SRGN: variants seen among roughly 807,000 people sequenced by gnomAD.
SRGN encodes the protein serglycin, also known as hematopoetic proteoglycan core peptide.
Under a neutral mutation model 9.5 loss-of-function variants are expected in SRGN, and 2 were observed. That is an observed-to-expected ratio of 0.21 (90% CI 0.09 to 0.66). The LOEUF (loss-of-function observed/expected upper bound fraction) is 0.66, where lower values mean the gene tolerates loss of function less well. SRGN is among the 30% of genes least tolerant of loss of function. The probability of loss-of-function intolerance (pLI) is 0.83; values close to 1 mark genes in which losing one functional copy is unlikely to be tolerated. For missense variants in SRGN, 170 were observed against 192.4 expected, an observed-to-expected ratio of 0.88 and a Z score of 0.69; for synonymous variants, 59 against 72.3, an observed-to-expected ratio of 0.82 and a Z score of 0.93.
At chr10:69,096,994 GAA>G in intron 1 of SRGN, 88 bp from the exon 2 acceptor site, 1 of 1,343,878 alleles carries the variant, frequency 7.4e-7, no homozygotes, top group Non-Finnish European at 1.0e-6. Context: ...ACCCTGTCTC[GAA>G]AAAAAAATAA....
Position 69,097,099 on chromosome 10 carries a change from G to A in SRGN, c.95G>A (p.Arg32Lys), listed in dbSNP as rs1840189960. 19 of 1,613,838 alleles carry A rather than the reference G, an allele frequency of 1.2e-5. No homozygotes were observed. Among genetic ancestry groups the A allele is most frequent in the East Asian group, 6.7e-5 (3 of 44,892 alleles). Residue 32 changes from arginine to lysine, a missense_variant, in exon 2 of 3, where the codon AGA becomes AAA. Transcript: ENST00000242465. ...CCTCGGGCAGGTTATCCTACGCGGA[G>A]AGCCAGGTACCAATGGGTGCGCTGC... ...ESSVQGYPTR[R>K]ARYQWVRCNP...
At chr10:69,102,461 A>T (rs1840313492) in intron 2 of SRGN, among the ~76,000 whole-genome samples, 1 of 152,202 alleles carries the variant, frequency 6.6e-6, no homozygotes, top group South Asian at 2.1e-4. Context: ...GTTCTATCCC[A>T]GGCCCTCAAA....
chr10:69,099,507 A>T (rs1199264273), intron 2 of SRGN, among the ~76,000 whole-genome samples: 2 of 151,634 alleles, frequency 1.3e-5, no homozygotes, highest in African/African-American at 4.8e-5. Flanking sequence ...GTCTCTGTAC[A>T]TTTCCCAGGC....
chr10:69,091,900 A>G lies in SRGN; in HGVS notation c.79+3664A>G, dbSNP rs1246974049. Reference sequence around the variant, plus strand: ...GTCTCAAAAAAAAAAAAAAAAAAAAAAAAAAAAAGAAAAAGAAAAGAAAAG... The same window carrying G: ...GTCTCAAAAAAAAAAAAAAAAAAAAGAAAAAAAAGAAAAAGAAAAGAAAAG... On this transcript the variant is annotated intron_variant, in intron 1 of 2. Coordinates refer to ENST00000242465, the MANE Select transcript of SRGN (RefSeq NM_002727.4). 2.8e-4 allele frequency among the ~76,000 whole-genome samples: 25 copies of G among 89,854 alleles called. 1 individual carries two copies. The highest frequency in any genetic ancestry group is 1.0e-3 in the East Asian group (3 of 2,980). 58.9% of individuals were successfully genotyped at this position (89,854 alleles called of 152,430 possible). A position where few individuals can be genotyped will look rare whatever the true frequency, so the allele number is the denominator to read the frequency against.
chr10:69,101,046 G>A lies in SRGN; in HGVS notation c.228-2825G>A, dbSNP rs181370822. On this transcript the variant is annotated intron_variant, in intron 2 of 2. Coordinates refer to ENST00000242465, the MANE Select transcript of SRGN (RefSeq NM_002727.4). ...TGCCCAGGCTGGAGTGCAGTGGTGC[G>A]ATCTCAGCTCACTGCCACCTCTGCC... Among the ~76,000 whole-genome samples, 17 of 148,876 alleles carry A rather than the reference G, an allele frequency of 1.1e-4. No homozygotes were observed. In the East Asian group the frequency reaches 2.6e-3, roughly 22 times the overall value.
chr10:69,097,231 C>G lies in SRGN; in HGVS notation c.227C>G (p.Pro76Arg). The G allele has an allele frequency of 1.2e-6, 2 of 1,605,772 alleles. No homozygotes were observed. Among genetic ancestry groups the G allele is most frequent in the Non-Finnish European group, 1.7e-6 (2 of 1,176,176 alleles). The stretch of plus-strand genomic sequence containing the variant: ...CCCCGTCTGAGGACTGACCTTTTTC[C>G]GTAAGTGGACTTTTCTCTAATTAAT... ...KIPRLRTDLF[P>R]KTRIQDLNRI... The change falls in exon 2 of 3, where the codon CCA becomes CGA. Residue 76 changes from proline (P) to arginine (R), a missense_variant and splice_region_variant. Transcript: ENST00000242465.
intron 2 of SRGN, among the ~76,000 whole-genome samples, chr10:69,101,440 G>A (rs1048234927): frequency 6.6e-6 from 1 of 152,094 alleles, no homozygotes; most frequent in Non-Finnish European, 1.5e-5. Flanking sequence ...TTTGTGGCTG[G>A]TATCCTTTTC....
At chr10:69,103,831 A>T in intron 2 of SRGN, 40 bp from the exon 3 acceptor site, 1 of 1,602,960 alleles carries the variant, frequency 6.2e-7, no homozygotes, top group Non-Finnish European at 8.5e-7. Context: ...CACATATCAA[A>T]CTCCACTGGT....
chr10:69,098,574 T>G (rs1416778813), intron 2 of SRGN: 1 of 152,130 alleles, frequency 6.6e-6, no homozygotes, highest in African/African-American at 2.4e-5. Context: ...CCCAGGAGTT[T>G]GAGGCCAGCC....
In SRGN at chr10:69,104,015, C is replaced by A. The variant is rs542681905; in HGVS notation, c.372C>A (p.Asp124Glu). The change falls in exon 3 of 3, where the codon GAC becomes GAA. Residue 124 changes from aspartate (D) to glutamate (E), a missense_variant. Physicochemically the swap from Asp to Glu is conservative, Grantham distance 45. Transcript: ENST00000242465. ...TEMEQDYQLVDESDAFHDNLR... is the reference protein window; with the variant it reads ...TEMEQDYQLVEESDAFHDNLR... ...TGGAACAGGATTACCAACTAGTAGA[C>A]GAAAGTGATGCTTTCCATGACAACC... The A allele has an allele frequency of 6.2e-6, 10 of 1,614,054 alleles. No individual in the cohort carries two copies. The highest frequency in any genetic ancestry group is 5.0e-5 in the Admixed American group (3 of 59,990).
At chr10:69,100,692 G>T (rs1309890889) in intron 2 of SRGN, among the ~76,000 whole-genome samples, 1 of 152,126 alleles carries the variant, frequency 6.6e-6, no homozygotes, top group Non-Finnish European at 1.5e-5. Flanking sequence ...GCTGTGGGGT[G>T]GGGGTGGCGG....
At chr10:69,098,946 G>A (rs1034725649) in intron 2 of SRGN, among the ~76,000 whole-genome samples, 1 of 151,696 alleles carries the variant, frequency 6.6e-6, no homozygotes, top group Admixed American at 6.6e-5. Context: ...AACAGAGTAA[G>A]ACTCTGTCTC....
chr10:69,104,136 C>T lies in SRGN; in HGVS notation c.*16C>T, dbSNP rs917612738. On this transcript the variant is annotated 3_prime_UTR_variant, in exon 3 of 3. Transcript: ENST00000242465. Reference sequence around the variant, plus strand: ...TATGTTATAAAAGAGGATTTTCCCACCTTGACACCAGGCAATGTAGTTAGC... The same window carrying T: ...TATGTTATAAAAGAGGATTTTCCCATCTTGACACCAGGCAATGTAGTTAGC... 8.1e-6 allele frequency: 13 copies of T among 1,609,438 alleles called. No homozygotes were observed. The highest frequency in any genetic ancestry group is 3.3e-5 in the Admixed American group (2 of 59,864).
chr10:69,098,703 A>T (rs1439994941), intron 2 of SRGN: 1 of 152,220 alleles, frequency 6.6e-6, no homozygotes, highest in East Asian at 1.9e-4. Flanking sequence ...TCATGCCTGT[A>T]ATCCCAGCAC....
chr10:69,092,211 T>C (rs980865908), intron 1 of SRGN, among the ~76,000 whole-genome samples: 3 of 152,174 alleles, frequency 2.0e-5, no homozygotes, highest in Admixed American at 2.0e-4. Context: ...ATAGCCACTA[T>C]AATCACAAGA....
chr10:69,092,851 A>G (rs556545363), intron 1 of SRGN, among the ~76,000 whole-genome samples: 56 of 152,152 alleles, frequency 3.7e-4, no homozygotes, highest in Non-Finnish European at 7.4e-4. Flanking sequence ...GAGTCATGCA[A>G]CCATCACTAT....
intron 1 of SRGN, among the ~76,000 whole-genome samples, chr10:69,090,620 C>A (rs886134630): frequency 9.2e-5 from 14 of 152,170 alleles, no homozygotes; most frequent in Non-Finnish European, 2.1e-4. Context: ...CAGGGCCACC[C>A]TAATGGCCTC....
At chr10:69,091,902 AAAAAAAGAAAAAG>A (rs1161474394) in intron 1 of SRGN, among the ~76,000 whole-genome samples, 11 of 90,426 alleles carry the variant, frequency 1.2e-4, no homozygotes, top group South Asian at 4.3e-4. Flanking sequence ...AAAAAAAAAA[AAAAAAAGAAAAAG>A]AAAAGAAAAG....
chr10:69,087,976 C>T, upstream of SRGN: 1 of 612,876 alleles, frequency 1.6e-6, no homozygotes, highest in South Asian at 1.9e-5. Context: ...CTGTGTTCCC[C>T]CCACCCCCTT....
Sources: gnomAD v4.1 joint callset for allele counts (sites outside exome capture counted in the v4.1 genomes callset) on GRCh38, gnomAD v4.1.1 for gene constraint, MANE v1.5 for transcripts, NCBI Gene and HGNC (gene_info 2026-07-23, HGNC 2026-07-21) for gene names.